Variants in FAM200B observed in about 807,000 individuals in gnomAD.
FAM200B encodes the protein zinc finger BED-type containing 11, also known as protein FAM200B.
Under a neutral mutation model 33.1 loss-of-function variants are expected in FAM200B, and 32 were observed. The ratio of observed to expected loss-of-function variants is 0.97; its 90% CI spans 0.73 to 1.30. FAM200B has a LOEUF of 1.30. Among genes scored for constraint, FAM200B ranks in the 50% most tolerant of loss-of-function variants. The pLI, the probability that FAM200B is intolerant of heterozygous loss-of-function variation, is 0.00. For missense variants in FAM200B, 741 were observed against 754.0 expected (o/e 0.98, Z 0.20); for synonymous variants, 240 against 264.8 (o/e 0.91, Z 0.91).
In FAM200B at chr4:15,688,394, A is replaced by C. The variant is rs1446918328; in HGVS notation, c.1417A>C (p.Arg473=). ...AAAGACATTATTGTTATGGCAAGTA[A>C]GACTTAAAAGTAATCGTCCTAGCTA... is the stretch of plus-strand genomic sequence containing the variant. ...FRKTLLLWQV[R]LKSNRPSYYM... Residue 473 remains arginine (R), a synonymous_variant, in exon 2 of 2, where the codon AGA becomes CGA. Transcript: ENST00000422728. 1 of 1,549,370 alleles carries C rather than the reference A, an allele frequency of 6.5e-7. No individual in the cohort carries two copies. The highest frequency in any genetic ancestry group is 2.0e-5 in the Admixed American group (1 of 50,998).
chr4:15,669,893 G>A, the FAM200B span, among the ~76,000 whole-genome samples: 1 of 152,160 alleles, frequency 6.6e-6, no homozygotes, highest in African/African-American at 2.4e-5. Flanking sequence ...TTATCCAAGG[G>A]TTCCAAAAGA....
upstream of FAM200B, among the ~76,000 whole-genome samples, chr4:15,677,089 ACT>A (rs1409630494): frequency 6.6e-6 from 1 of 152,130 alleles, no homozygotes; most frequent in African/African-American, 2.4e-5. Flanking sequence ...ACTATAATAA[ACT>A]CTGAAGACAA....
At chr4:15,680,654 C>A (rs1188688445), upstream of FAM200B, among the ~76,000 whole-genome samples, 2 of 151,132 alleles carry the variant, frequency 1.3e-5, no homozygotes, top group Non-Finnish European at 2.9e-5. Context: ...CCAGCCTGGG[C>A]GAGAGAGTGA....
rs1718311250 is a variant in FAM200B at position 15,681,827 on chromosome 4, A to C, written c.-817A>C. On this transcript the variant is annotated 5_prime_UTR_variant, in exon 1 of 2. Coordinates refer to ENST00000422728, the MANE Select transcript of FAM200B (RefSeq NM_001145191.2). ...TTGCGGAGGGAAGTGTGGGGAGAGC[A>C]GAGGCGCAGCTCTGCTGGAGAGACC... The C allele has an allele frequency of 6.5e-6, 1 of 152,788 alleles. No homozygotes were observed. The highest frequency in any genetic ancestry group is 2.4e-5 in the African/African-American group (1 of 41,470). The allele number at this position is 152,788 out of a possible 1,614,324, so 9.5% of individuals were successfully genotyped here.
the FAM200B span, among the ~76,000 whole-genome samples, chr4:15,672,566 C>T: frequency 6.6e-6 from 1 of 152,056 alleles, no homozygotes; most frequent in Non-Finnish European, 1.5e-5. Context: ...AGTAAAAATA[C>T]AGTATGAAAG....
the FAM200B span, chr4:15,655,486 C>T: frequency 1.5e-6 from 1 of 682,622 alleles, no homozygotes; most frequent in Non-Finnish European, 1.8e-6. Flanking sequence ...TGACCGGGCG[C>T]GCGCAGAGGC....
the FAM200B span, among the ~76,000 whole-genome samples, chr4:15,668,360 G>A: frequency 2.0e-5 from 3 of 151,898 alleles, no homozygotes; most frequent in African/African-American, 7.3e-5. Flanking sequence ...AACTGCTCAA[G>A]TTCAACTGCT....
At chr4:15,645,426 T>C in the FAM200B span, among the ~76,000 whole-genome samples, 3 of 151,866 alleles carry the variant, frequency 2.0e-5, no homozygotes, top group African/African-American at 4.8e-5. Flanking sequence ...TAAGTTACTT[T>C]TCTTTCTTTC....
chr4:15,687,443 C>G lies in FAM200B; in HGVS notation c.466C>G (p.Arg156Gly). Residue 156 changes from arginine (R) to glycine (G), a missense_variant, in exon 2 of 2, where the codon CGT (arginine) becomes GGT (glycine). Coordinates refer to ENST00000422728, the MANE Select transcript of FAM200B (RefSeq NM_001145191.2). ...ALLSSYLVAYRVAKEKIANTA... is the reference protein window; with the variant it reads ...ALLSSYLVAYGVAKEKIANTA... ...ATTATCATCATATTTAGTTGCATAT[C>G]GTGTGGCAAAAGAGAAAATAGCTAA... The G allele has an allele frequency of 6.4e-7, 1 of 1,550,880 alleles. No homozygotes were observed.
intron 1 of FAM200B, among the ~76,000 whole-genome samples, chr4:15,683,300 G>A (rs1718518155): frequency 6.6e-6 from 1 of 150,910 alleles, no homozygotes; most frequent in South Asian, 2.1e-4. Context: ...ACATCCTATT[G>A]AGTTAAAAAA....
chr4:15,655,963 C>A, the FAM200B span, among the ~76,000 whole-genome samples: 1 of 152,158 alleles, frequency 6.6e-6, no homozygotes, highest in Non-Finnish European at 1.5e-5. Flanking sequence ...CCACAGCGGG[C>A]GCGGGGCCTG....
the FAM200B span, among the ~76,000 whole-genome samples, chr4:15,674,917 G>A: frequency 6.6e-6 from 1 of 152,056 alleles, no homozygotes; most frequent in Non-Finnish European, 1.5e-5. Flanking sequence ...CCAAAGTGCT[G>A]GGATTACAGG....
At chr4:15,637,047 C>G in the FAM200B span, among the ~76,000 whole-genome samples, 1 of 152,124 alleles carries the variant, frequency 6.6e-6, no homozygotes, top group Admixed American at 6.6e-5. Flanking sequence ...ATAGAGTCAG[C>G]CAGATTATGA....
chr4:15,650,623 A>G, the FAM200B span, among the ~76,000 whole-genome samples: 2 of 148,602 alleles, frequency 1.3e-5, no homozygotes, highest in South Asian at 2.1e-4. Flanking sequence ...TAGTAACATG[A>G]TATCTTCCAC....
intron 1 of FAM200B, among the ~76,000 whole-genome samples, chr4:15,684,425 G>C (rs1371439094): frequency 1.3e-5 from 2 of 152,184 alleles, no homozygotes; most frequent in Non-Finnish European, 2.9e-5. Flanking sequence ...TTTGTAGCAT[G>C]TTTTGTTTAA....
the FAM200B span, among the ~76,000 whole-genome samples, chr4:15,650,611 A>C: frequency 6.6e-6 from 1 of 152,188 alleles, no homozygotes; most frequent in African/African-American, 2.4e-5. Flanking sequence ...ATAATTAACA[A>C]ATAGTAACAT....
At chr4:15,650,852 T>C in the FAM200B span, among the ~76,000 whole-genome samples, 1 of 151,832 alleles carries the variant, frequency 6.6e-6, no homozygotes, top group South Asian at 2.1e-4. Flanking sequence ...AGGCTGGTCT[T>C]GAACTCCTGA....
the FAM200B span, among the ~76,000 whole-genome samples, chr4:15,648,229 T>C: frequency 6.6e-6 from 1 of 152,212 alleles, no homozygotes; most frequent in African/African-American, 2.4e-5. Flanking sequence ...GTAAGGCTTA[T>C]TTAGTAGGCT....
the FAM200B span, among the ~76,000 whole-genome samples, chr4:15,674,969 A>G: frequency 4.6e-5 from 7 of 152,132 alleles, no homozygotes; most frequent in African/African-American, 1.7e-4. Context: ...TTTAATGATA[A>G]ATTAATTTGT....
Sources: gnomAD v4.1 joint callset for allele counts (sites outside exome capture counted in the v4.1 genomes callset) on GRCh38, gnomAD v4.1.1 for gene constraint, MANE v1.5 for transcripts, NCBI Gene and HGNC (gene_info 2026-07-23, HGNC 2026-07-21) for gene names.